Variants in DCAF4 observed in about 807,000 individuals in gnomAD.
DCAF4 encodes the protein DDB1 and CUL4 associated factor 4, also known as DDB1- and CUL4-associated factor 4.
A neutral mutation model predicts 60.9 loss-of-function variants in DCAF4; 37 were observed. That is an observed-to-expected ratio of 0.61 (90% CI 0.47 to 0.80). The LOEUF is 0.80. DCAF4 is among the 30% of genes least tolerant of loss of function. The pLI is 0.00. For synonymous variants in DCAF4, 243 were observed against 254.8 expected, an observed-to-expected ratio of 0.95 and a Z score of 0.44; for missense variants, 577 against 650.0, an observed-to-expected ratio of 0.89 and a Z score of 1.22.
chr14:72,958,754 G>GGGGGGCTCCCGGGGCGCGCCA lies in DCAF4; in HGVS notation c.1440_1441insGGCTCCCGGGGCGCGCCAGGG (p.Gly474_Gly480dup). On this transcript the variant is annotated inframe_insertion, in exon 14 of 14. Coordinates refer to ENST00000358377, the MANE Select transcript of DCAF4 (RefSeq NM_015604.4). ...GGCTGGGGGGCTCCCGGGGCGCGCC[G>GGGGGGCTCCCGGGGCGCGCCA]GGGCTGCTCATGGCTGTCGGGCAGG... The GGGGGGCTCCCGGGGCGCGCCA allele has an allele frequency of 6.2e-7, 1 of 1,609,150 alleles. No homozygotes were observed. The highest frequency in any genetic ancestry group is 8.5e-7 in the Non-Finnish European group (1 of 1,177,510).
intron 13 of DCAF4, 39 bp from the exon 14 acceptor site, chr14:72,958,573 T>C (rs752330283): frequency 6.2e-7 from 1 of 1,612,092 alleles, no homozygotes; most frequent in South Asian, 1.1e-5. Context: ...TCCTTTGCAT[T>C]CTCTCACTAG....
rs768743315 is a variant in DCAF4 at position 72,958,630 on chromosome 14, C to T, written c.1313C>T (p.Thr438Met). ...ILVAVGQDCY[T>M]RIWSLHDARL... ...TTCCTAGTGGGCCAGGACTGCTACA[C>T]GAGAATCTGGAGCCTCCACGATGCC... Residue 438 changes from threonine to methionine, a missense_variant, in exon 14 of 14, where the codon ACG (threonine) becomes ATG (methionine). Transcript: ENST00000358377. 14 of 1,614,088 alleles carry T rather than the reference C, an allele frequency of 8.7e-6. No homozygotes were observed. Among genetic ancestry groups the T allele is most frequent in the Middle Eastern group, 1.6e-4 (1 of 6,062 alleles).
chr14:72,940,357 G>T lies in DCAF4; in HGVS notation c.331G>T (p.Glu111Ter). ...GAGCAAGAGACTGCGGCTGCTCCAG[G>T]AAGAAGACAGACGGAAAAAGGTGGG... The part of the protein sequence containing the change: ...MESKRLRLLQ[E>*]EDRRKKIARM... Residue 111 changes from glutamate to a stop codon, truncating the protein, a stop_gained, in exon 4 of 14, where the codon GAA (glutamate) becomes TAA (stop). Transcript: ENST00000358377. LOFTEE classifies it high-confidence loss of function. 6.2e-7 allele frequency: 1 copy of T among 1,611,088 alleles called. No homozygotes were observed. The highest frequency in any genetic ancestry group is 8.5e-7 in the Non-Finnish European group (1 of 1,179,322).
rs746276548 is a variant in DCAF4, at chr14:72,943,032, A to G, written c.470A>G (p.Lys157Arg). The change falls in exon 6 of 14, where the codon AAA (lysine) becomes AGA (arginine). Residue 157 changes from lysine (K) to arginine (R), a missense_variant. Transcript: ENST00000358377. ...HELRLSCMER[K>R]KVQIRSMDPS... ...CTGCGTCTCAGCTGCATGGAGAGGA[A>G]AAAGGTCCAGATTCGAAGCATGGAT... is the stretch of plus-strand genomic sequence containing the variant. 6.2e-7 allele frequency: 1 copy of G among 1,614,210 alleles called. No individual in the cohort carries two copies. Among genetic ancestry groups the G allele is most frequent in the East Asian group, 2.2e-5 (1 of 44,878 alleles).
intron 1 of DCAF4, among the ~76,000 whole-genome samples, chr14:72,927,162 C>T (rs937977249): frequency 1.3e-5 from 2 of 152,156 alleles, no homozygotes; most frequent in African/African-American, 4.8e-5. Flanking sequence ...CTCGTGGGCT[C>T]CCCGGGGGCT....
chr14:72,933,558 CA>C (rs34401726), intron 1 of DCAF4, among the ~76,000 whole-genome samples: 57,337 of 129,500 alleles, frequency 0.44, 11,780 homozygotes, highest in Non-Finnish European at 0.52. Flanking sequence ...GACTCCATCT[CA>C]AAAAAAAAAA....
At chr14:72,955,067 C>T (rs1892080398) in intron 11 of DCAF4, among the ~76,000 whole-genome samples, 2 of 151,082 alleles carry the variant, frequency 1.3e-5, no homozygotes, top group Non-Finnish European at 2.9e-5. Context: ...GCCAAGATCA[C>T]ACCACTGCAC....
At chr14:72,934,990 A>G (rs1028678540) in intron 1 of DCAF4, 7 of 152,244 alleles carry the variant, frequency 4.6e-5, no homozygotes, top group Non-Finnish European at 8.8e-5. Context: ...CTAGGAATAG[A>G]AAAAAGAACA....
rs1265763436 is a variant in DCAF4, at chr14:72,953,828, GTA to G, written c.809-331_809-330del. 8.1e-4 allele frequency among the ~76,000 whole-genome samples: 76 copies of G among 93,740 alleles called. 2 individuals are homozygous for G. The highest frequency in any genetic ancestry group is 2.6e-3 in the African/African-American group (59 of 22,664). The allele number at this position is 93,740 out of a possible 152,430, so 61.5% of individuals were successfully genotyped here. On this transcript the variant is annotated intron_variant, in intron 9 of 13. Transcript: ENST00000358377. ...TGTGTGTGTGTGTGTGTGTGTGTGT[GTA>G]TATACACACACACTTGCCTGAGATC...
At chr14:72,942,756 A>T in intron 5 of DCAF4, 1 of 507,142 alleles carries the variant, frequency 2.0e-6, no homozygotes, top group South Asian at 2.2e-5. Flanking sequence ...TCTAACTCCC[A>T]CTCTTTGACT....
Position 72,938,141 on chromosome 14 carries a change from C to T in DCAF4, c.92+71C>T, listed in dbSNP as rs559998823. 7.6e-4 allele frequency: 1,149 copies of T among 1,515,078 alleles called. 3 individuals carry two copies. The highest frequency in any genetic ancestry group is 4.3e-4 in the Non-Finnish European group (493 of 1,136,118). 93.9% of individuals were successfully genotyped at this position (1,515,078 alleles called of 1,614,324 possible). ...GGCATTGTACACATGGCATGTCACACGATCACAGGTGTGGAGATCACCTGG... is the reference window on the plus strand; with the variant it reads ...GGCATTGTACACATGGCATGTCACATGATCACAGGTGTGGAGATCACCTGG... On this transcript the variant is annotated intron_variant, in intron 2 of 13. Coordinates refer to ENST00000358377, the MANE Select transcript of DCAF4 (RefSeq NM_015604.4).
At chr14:72,941,646 T>G in intron 4 of DCAF4, 99 bp from the exon 5 acceptor site, 2 of 1,143,198 alleles carry the variant, frequency 1.7e-6, no homozygotes, top group South Asian at 2.8e-5. Flanking sequence ...ATTTAGTGCC[T>G]GTTTCCTTCA....
downstream of DCAF4, chr14:72,960,542 T>G: frequency 1.0e-6 from 1 of 953,348 alleles, no homozygotes; most frequent in Non-Finnish European, 1.3e-6. Flanking sequence ...CAGTTTGCAC[T>G]GTGCCCCCTC....
chr14:72,939,174 C>T (rs1160142343), intron 2 of DCAF4, among the ~76,000 whole-genome samples: 2 of 152,046 alleles, frequency 1.3e-5, no homozygotes, highest in Non-Finnish European at 2.9e-5. Flanking sequence ...GCCAACACGG[C>T]GAAACTCCGT....
At chr14:72,957,979 G>A (rs548204782) in intron 13 of DCAF4, 1 of 153,424 alleles carries the variant, frequency 6.5e-6, no homozygotes, top group Non-Finnish European at 1.5e-5. Context: ...TCCCCAGGAT[G>A]TAATGACTTT....
chr14:72,945,689 C>T (rs768818535), intron 6 of DCAF4, among the ~76,000 whole-genome samples, 195 bp from the exon 7 acceptor site: 9 of 152,186 alleles, frequency 5.9e-5, no homozygotes, highest in Admixed American at 3.3e-4. Flanking sequence ...AGATCAGACA[C>T]GTGCTGGCTT....
At chr14:72,934,342 C>T (rs528648584) in intron 1 of DCAF4, among the ~76,000 whole-genome samples, 2 of 151,944 alleles carry the variant, frequency 1.3e-5, no homozygotes, top group Non-Finnish European at 2.9e-5. Flanking sequence ...TTAGTAGAGA[C>T]GGGGTTTCTC....
chr14:72,942,898 G>T, intron 5 of DCAF4, 96 bp from the exon 6 acceptor site: 1 of 1,059,228 alleles, frequency 9.4e-7, no homozygotes. Context: ...GACGAGGAGA[G>T]ATGGGCGTCA....
At chr14:72,927,766 T>A (rs891379861) in intron 1 of DCAF4, among the ~76,000 whole-genome samples, 12 of 152,192 alleles carry the variant, frequency 7.9e-5, no homozygotes, top group Admixed American at 4.6e-4. Flanking sequence ...GCCTGTTTCC[T>A]CATTTGTAAA....
Sources: gnomAD v4.1 joint callset for allele counts (sites outside exome capture counted in the v4.1 genomes callset) on GRCh38, gnomAD v4.1.1 for gene constraint, MANE v1.5 for transcripts, NCBI Gene and HGNC (gene_info 2026-07-23, HGNC 2026-07-21) for gene names.